The following CDK14 variants were observed in gnomAD, a reference collection of about 807,000 sequenced individuals.
The protein encoded by CDK14 is cyclin-dependent kinase 14.
Under a neutral mutation model 60.7 loss-of-function variants are expected in CDK14, and 34 were observed. The observed-to-expected ratio is 0.56, with a 90% CI of 0.43 to 0.75. The LOEUF is 0.75. Ranked by LOEUF, CDK14 falls within the 30% of genes least tolerant of loss-of-function variation. CDK14 has a pLI of 0.00. For synonymous variants in CDK14, 197 were observed against 203.7 expected, an observed-to-expected ratio of 0.97 and a Z score of 0.28; for missense variants, 482 against 564.1, an observed-to-expected ratio of 0.85 and a Z score of 1.47.
chr7:90,830,636 C>T (rs1789885334), intron 5 of CDK14, among the ~76,000 whole-genome samples: 1 of 152,164 alleles, frequency 6.6e-6, no homozygotes, highest in Non-Finnish European at 1.5e-5. Context: ...TTCTTTTCTA[C>T]CACATGGTCA....
At chr7:90,890,390 A>G (rs924790435) in intron 6 of CDK14, among the ~76,000 whole-genome samples, 6 of 152,086 alleles carry the variant, frequency 3.9e-5, no homozygotes, top group Non-Finnish European at 8.8e-5. Flanking sequence ...AGGTAGGTAG[A>G]TAGGTAGGTA....
chr7:91,142,496 C>G (rs1800499227), intron 14 of CDK14, among the ~76,000 whole-genome samples: 1 of 152,182 alleles, frequency 6.6e-6, no homozygotes, highest in Non-Finnish European at 1.5e-5. Flanking sequence ...AAAAATAGCC[C>G]AGAGGAGCCT....
At chr7:91,040,277 A>G (rs1278929376) in intron 10 of CDK14, among the ~76,000 whole-genome samples, 1 of 152,060 alleles carries the variant, frequency 6.6e-6, no homozygotes, top group Non-Finnish European at 1.5e-5. Context: ...TCAGGATCAG[A>G]ATTAGGCGGT....
At chr7:90,710,511 T>A in intron 2 of CDK14, 2 of 985,226 alleles carry the variant, frequency 2.0e-6, no homozygotes, top group Non-Finnish European at 2.4e-6. Flanking sequence ...ATTTCCTTCC[T>A]TTTTGGATCA....
intron 14 of CDK14, among the ~76,000 whole-genome samples, chr7:91,201,599 A>ACACAGACCACCTGATCACATCGAAG (rs1451194279): frequency 2.0e-5 from 3 of 152,078 alleles, no homozygotes; most frequent in Non-Finnish European, 4.4e-5. Context: ...GGCCAGTGAA[A>ACACAGACCACCTGATCACATCGAAG]CACAGACCAC....
chr7:90,754,917 A>G (rs542080365), intron 4 of CDK14, among the ~76,000 whole-genome samples: 2 of 152,332 alleles, frequency 1.3e-5, no homozygotes, highest in South Asian at 2.1e-4. Context: ...CCGTAATGAG[A>G]TACCATCTCA....
At chr7:90,851,027 A>G (rs1383639326) in intron 5 of CDK14, among the ~76,000 whole-genome samples, 1 of 152,176 alleles carries the variant, frequency 6.6e-6, no homozygotes, top group Non-Finnish European at 1.5e-5. Flanking sequence ...AGATAAAGGG[A>G]AACCATGACC....
chr7:90,614,116 C>G (rs990199316), intron 2 of CDK14, among the ~76,000 whole-genome samples: 19 of 151,158 alleles, frequency 1.3e-4, no homozygotes, highest in African/African-American at 4.4e-4. Flanking sequence ...AAGTGATTCT[C>G]CTGCCTCAGC....
chr7:90,902,090 A>C (rs886670227), intron 7 of CDK14, among the ~76,000 whole-genome samples: 1 of 152,136 alleles, frequency 6.6e-6, no homozygotes, highest in Middle Eastern at 3.2e-3. Context: ...AACAGTGATC[A>C]AAGAAATTGA....
At position 90,596,583 on chromosome 7, in the gene CDK14, G is replaced by T. The variant is rs1563009998; in HGVS notation, c.-45G>T. On this transcript the variant is annotated 5_prime_UTR_variant, in exon 1 of 15. Transcript: ENST00000380050. ...GCGCCCTCGCCGTTGTCTGAGCTGTGCCTGGACCAGTTTGGGGAAGTTGTC... is the reference window on the plus strand; with the variant it reads ...GCGCCCTCGCCGTTGTCTGAGCTGTTCCTGGACCAGTTTGGGGAAGTTGTC... The T allele has an allele frequency of 1.9e-6, 3 of 1,541,504 alleles. No individual in the cohort carries two copies. The highest frequency in any genetic ancestry group is 1.1e-5 in the South Asian group (1 of 89,354).
At chr7:91,111,035 T>A (rs528116582) in intron 12 of CDK14, among the ~76,000 whole-genome samples, 1 of 152,230 alleles carries the variant, frequency 6.6e-6, no homozygotes, top group Non-Finnish European at 1.5e-5. Flanking sequence ...GTGGACAAAT[T>A]TCTCTCTTCC....
intron 10 of CDK14, among the ~76,000 whole-genome samples, chr7:91,023,014 A>AT (rs764692685): frequency 0.44 from 42,460 of 97,316 alleles, 6,417 homozygotes; most frequent in East Asian, 0.62. Flanking sequence ...TGAAGTATAT[A>AT]TTTTTTTTTT....
At chr7:91,116,714 G>C (rs1469284215) in intron 13 of CDK14, among the ~76,000 whole-genome samples, 1 of 151,992 alleles carries the variant, frequency 6.6e-6, no homozygotes, top group African/African-American at 2.4e-5. Flanking sequence ...TCTATCCATT[G>C]GTCTTTTCCC....
In CDK14 at chr7:90,863,279, A is replaced by G; in HGVS notation, c.639+10A>G. 3 of 1,477,482 alleles carry G rather than the reference A, an allele frequency of 2.0e-6. No homozygotes were observed. The highest frequency in any genetic ancestry group is 1.4e-5 in the African/African-American group (1 of 71,706). 91.5% of individuals were successfully genotyped at this position (1,477,482 alleles called of 1,614,324 possible). A position where few individuals can be genotyped will look rare whatever the true frequency, so the allele number is the denominator to read the frequency against. On this transcript the variant is annotated intron_variant, in intron 6 of 14. Transcript: ENST00000380050. ...TGTGTTTGAATATGTGGTAAGTAAA[A>G]TAAGACTTTTAAATTTAGACATTTA...
At chr7:91,042,478 G>A (rs1027391098) in intron 10 of CDK14, among the ~76,000 whole-genome samples, 2 of 152,124 alleles carry the variant, frequency 1.3e-5, no homozygotes. Context: ...ACTAGACCAG[G>A]AGCACTTCAA....
chr7:90,695,567 A>G (rs530209083), intron 2 of CDK14, among the ~76,000 whole-genome samples: 1 of 152,200 alleles, frequency 6.6e-6, no homozygotes, highest in African/African-American at 2.4e-5. Context: ...TGGCAGGCAG[A>G]TAATAAACGG....
At chr7:91,160,751 A>G (rs1801146063) in intron 14 of CDK14, among the ~76,000 whole-genome samples, 1 of 152,076 alleles carries the variant, frequency 6.6e-6, no homozygotes, top group South Asian at 2.1e-4. Flanking sequence ...ATTATAATAT[A>G]TTTAACAAGC....
chr7:90,706,016 C>T (rs377383958), intron 2 of CDK14, among the ~76,000 whole-genome samples: 186 of 152,168 alleles, frequency 1.2e-3, no homozygotes, highest in African/African-American at 4.3e-3. Context: ...TTCAAAGGAT[C>T]GATTTTTGTT....
intron 1 of CDK14, among the ~76,000 whole-genome samples, chr7:90,599,221 T>C (rs192800160): frequency 6.6e-6 from 1 of 151,808 alleles, no homozygotes; most frequent in Non-Finnish European, 1.5e-5. Context: ...CCATGTCTTG[T>C]GTGGCACATT....
Sources: gnomAD v4.1 joint callset for allele counts (sites outside exome capture counted in the v4.1 genomes callset) on GRCh38, gnomAD v4.1.1 for gene constraint, MANE v1.5 for transcripts, NCBI Gene and HGNC (gene_info 2026-07-23, HGNC 2026-07-21) for gene names.